Variants in ATG4B observed in about 807,000 individuals in gnomAD.
The protein encoded by ATG4B is autophagy related 4B cysteine peptidase.
ATG4B carries 29 observed loss-of-function variants against 56.6 expected under a neutral mutation model. The observed-to-expected ratio is 0.51, with a 90% CI of 0.38 to 0.70. The LOEUF (loss-of-function observed/expected upper bound fraction) is 0.70, where lower values mean the gene tolerates loss of function less well. ATG4B is among the 30% of genes least tolerant of loss of function. ATG4B has a pLI of 0.00. For missense variants in ATG4B, 461 were observed against 515.5 expected (o/e 0.89, Z 1.02); for synonymous variants, 224 against 206.1 (o/e 1.09, Z -0.74).
At chr2:241,643,694 T>TCC (rs200143016) in intron 1 of ATG4B, among the ~76,000 whole-genome samples, 4 of 121,898 alleles carry the variant, frequency 3.3e-5, no homozygotes, top group African/African-American at 7.0e-5. Context: ...GTATATATTT[T>TCC]CCCCCCCCCC....
chr2:241,651,230 T>G lies in ATG4B; in HGVS notation c.113-34T>G. On this transcript the variant is annotated intron_variant, in intron 2 of 12. Transcript: ENST00000404914. This position sits in a 1 kb window ranked among gnomAD's most constrained non-coding sequence, Gnocchi z 4.1. ...TGACTTGCAAACTTAAGGCGTTGTG[T>G]GTGTGTGTTTTTTTTCTTTTAAACA... is the stretch of plus-strand genomic sequence containing the variant. 6.4e-7 allele frequency: 1 copy of G among 1,570,904 alleles called. No homozygotes were observed. The highest frequency in any genetic ancestry group is 8.7e-7 in the Non-Finnish European group (1 of 1,154,316).
At chr2:241,637,854 C>G in intron 1 of ATG4B, 130 bp downstream of exon 1, 1 of 666,010 alleles carries the variant, frequency 1.5e-6, no homozygotes, top group Non-Finnish European at 1.9e-6. Context: ...GCCGGGGCGG[C>G]GGGCGCTGCG....
chr2:241,651,730 A>G lies in ATG4B; in HGVS notation c.184+395A>G, dbSNP rs1015424958. Among the ~76,000 whole-genome samples the G allele has an allele frequency of 6.6e-6, 1 of 152,206 alleles. No individual in the cohort carries two copies. The highest frequency in any genetic ancestry group is 1.5e-5 in the Non-Finnish European group (1 of 68,040). On this transcript the variant is annotated intron_variant, in intron 3 of 12. Coordinates refer to ENST00000404914, the MANE Select transcript of ATG4B (RefSeq NM_013325.5). This position sits in a 1 kb window ranked among gnomAD's most constrained non-coding sequence, Gnocchi z 4.1. ...GTGTGTTCTGGGTCACAGCTGTACA[A>G]TGTGTTTCTTACTTAGGTCCAGAAT...
At chr2:241,657,961 G>A (rs1338038430) in intron 6 of ATG4B, among the ~76,000 whole-genome samples, 1 of 151,886 alleles carries the variant, frequency 6.6e-6, no homozygotes, top group African/African-American at 2.4e-5. Context: ...CCTGGCACTT[G>A]GACCCTGTTC....
intron 4 of ATG4B, among the ~76,000 whole-genome samples, chr2:241,654,003 A>AG (rs1385781717): frequency 1.3e-5 from 2 of 151,586 alleles, no homozygotes; most frequent in Non-Finnish European, 2.9e-5. Flanking sequence ...AAAAAAAAAA[A>AG]AAAAAAAAGA....
intron 10 of ATG4B, among the ~76,000 whole-genome samples, chr2:241,669,032 C>T (rs2068871929): frequency 9.4e-6 from 1 of 106,796 alleles, no homozygotes; most frequent in African/African-American, 2.8e-5. Flanking sequence ...CGGGCGGCCC[C>T]TCCACCCACC....
intron 12 of ATG4B, 119 bp downstream of exon 12, chr2:241,671,524 C>T: frequency 1.9e-6 from 3 of 1,546,346 alleles, no homozygotes; most frequent in Non-Finnish European, 2.6e-6. Flanking sequence ...GCCGTGAGCA[C>T]TTGGCAGTGG....
At chr2:241,672,008 C>T (rs1435156784) in intron 12 of ATG4B, 183 bp from the exon 13 acceptor site, 12 of 1,427,164 alleles carry the variant, frequency 8.4e-6, no homozygotes, top group African/African-American at 5.7e-5. Flanking sequence ...CTCCTCTTCT[C>T]TGCTCCCTCC....
At chr2:241,654,797 G>A in intron 5 of ATG4B, 150 bp downstream of exon 5, 1 of 654,812 alleles carries the variant, frequency 1.5e-6, no homozygotes. Flanking sequence ...TCTGTGCGCT[G>A]CTGTCACATC....
Position 241,662,698 on chromosome 2 carries a change from G to A in ATG4B, c.538+3511G>A, listed in dbSNP as rs145362740. 4.6e-3 allele frequency among the ~76,000 whole-genome samples: 705 copies of A among 152,346 alleles called. 4 individuals are homozygous for A. Among genetic ancestry groups the A allele is most frequent in the Non-Finnish European group, 6.6e-3 (449 of 68,042 alleles). The stretch of plus-strand genomic sequence containing the variant: ...ACCAGTCAGCAGGAAACTCACCACC[G>A]GGAAGCCTTTCTATCAAAACATAAC... On this transcript the variant is annotated intron_variant, in intron 7 of 12. Transcript: ENST00000404914.
chr2:241,639,472 C>T lies in ATG4B; in HGVS notation c.10+1748C>T, dbSNP rs142764720. Among the ~76,000 whole-genome samples, 203 of 152,326 alleles carry T rather than the reference C, an allele frequency of 1.3e-3. 1 individual carries two copies. Among genetic ancestry groups the T allele is most frequent in the African/African-American group, 4.3e-3 (179 of 41,574 alleles). ...GTCACAGTGGGTGGCTGCCCTTTGC[C>T]GGCAGAGGGCCCAGGGCCACAGTGT... On this transcript the variant is annotated intron_variant, in intron 1 of 12. Transcript: ENST00000404914.
chr2:241,655,851 G>GC (rs1183673032), intron 6 of ATG4B, among the ~76,000 whole-genome samples: 1 of 152,112 alleles, frequency 6.6e-6, no homozygotes, highest in Non-Finnish European at 1.5e-5. Flanking sequence ...TTGCGTGCCC[G>GC]CCCCCCAGAT....
At chr2:241,653,842 A>G (rs2068297388) in intron 4 of ATG4B, among the ~76,000 whole-genome samples, 1 of 152,140 alleles carries the variant, frequency 6.6e-6, no homozygotes, top group African/African-American at 2.4e-5. Context: ...AAATACAAAA[A>G]TTAGCCAGGC....
chr2:241,638,340 TGG>T (rs1200704390), intron 1 of ATG4B: 1 of 152,092 alleles, frequency 6.6e-6, no homozygotes, highest in East Asian at 1.9e-4. Flanking sequence ...CTTAGTTTCT[TGG>T]GGTCCTAAGA....
intron 10 of ATG4B, 174 bp from the exon 11 acceptor site, chr2:241,670,552 C>T (rs925332314): frequency 6.0e-6 from 4 of 661,968 alleles, no homozygotes; most frequent in Non-Finnish European, 1.1e-5. Flanking sequence ...GGACCATGCA[C>T]AGGGCACCCT....
intron 7 of ATG4B, among the ~76,000 whole-genome samples, chr2:241,661,446 AG>A (rs2068590643): frequency 6.6e-6 from 1 of 152,188 alleles, no homozygotes; most frequent in African/African-American, 2.4e-5. Context: ...GGCAGGAAGC[AG>A]GCTGCTTTTT....
intron 1 of ATG4B, among the ~76,000 whole-genome samples, chr2:241,646,784 T>C (rs1220052870): frequency 2.5e-5 from 1 of 40,184 alleles, no homozygotes; most frequent in African/African-American, 8.8e-5. Flanking sequence ...TTCAATGCTT[T>C]TTTTTTTTTT....
At chr2:241,664,783 G>A (rs979648538) in intron 7 of ATG4B, among the ~76,000 whole-genome samples, 5 of 152,066 alleles carry the variant, frequency 3.3e-5, no homozygotes, top group African/African-American at 4.8e-5. Context: ...GGCCAATGTG[G>A]CAAAACCCCG....
chr2:241,651,251 A>T lies in ATG4B; in HGVS notation c.113-13A>T, dbSNP rs375048852. On this transcript the variant is annotated splice_polypyrimidine_tract_variant and intron_variant, in intron 2 of 12. Transcript: ENST00000404914. The surrounding 1 kb of genome is among the most constrained non-coding windows in gnomAD (Gnocchi z 4.1). ...TGTGTGTGTGTGTTTTTTTTCTTTTAAACAACCTCTAGAAAAGGACGAGAT... is the reference window on the plus strand; with the variant it reads ...TGTGTGTGTGTGTTTTTTTTCTTTTTAACAACCTCTAGAAAAGGACGAGAT... 57 of 1,589,460 alleles carry T rather than the reference A, an allele frequency of 3.6e-5. No homozygotes were observed. Among genetic ancestry groups the T allele is most frequent in the South Asian group, 3.2e-4 (28 of 86,936 alleles).
Sources: allele counts gnomAD v4.1 joint callset (sites outside exome capture counted in the v4.1 genomes callset), GRCh38; gene constraint gnomAD v4.1.1; non-coding constraint Gnocchi (gnomAD v3.1); transcripts MANE v1.5; gene names NCBI Gene and HGNC (gene_info 2026-07-23, HGNC 2026-07-21).